Variants in ZSWIM6 observed in about 807,000 individuals in gnomAD.
The protein encoded by ZSWIM6 is zinc finger SWIM domain-containing protein 6.
A neutral mutation model predicts 113.2 loss-of-function variants in ZSWIM6; 9 were observed. The ratio of observed to expected loss-of-function variants is 0.08; its 90% confidence interval spans 0.05 to 0.14. The LOEUF is 0.14. Among genes scored for constraint, ZSWIM6 ranks in the 10% least tolerant of loss-of-function variants. The pLI is 1.00. For synonymous variants in ZSWIM6, 611 were observed against 606.5 expected (o/e 1.01, Z -0.11); for missense variants, 1,162 against 1,552.2 (o/e 0.75, Z 4.22).
rs1428584537 is a variant in ZSWIM6, at chr5:61,543,215, A to G, written c.2786-240A>G. ...AGCACAGTACAAATACCAGCTACCAAGAGGATTGGTTCTTTATTATAGCAA... is the reference window on the plus strand; with the variant it reads ...AGCACAGTACAAATACCAGCTACCAGGAGGATTGGTTCTTTATTATAGCAA... On this transcript the variant is annotated intron_variant, in intron 13 of 13. Transcript: ENST00000252744. The surrounding 1 kb of genome is among the most constrained non-coding windows in gnomAD (Gnocchi z 4.3). Among the ~76,000 whole-genome samples, 2 of 138,086 alleles carry G rather than the reference A, an allele frequency of 1.4e-5. No homozygotes were observed. Among genetic ancestry groups the G allele is most frequent in the African/African-American group, 5.2e-5 (2 of 38,456 alleles). 90.6% of individuals were successfully genotyped at this position (138,086 alleles called of 152,430 possible). A position where few individuals can be genotyped will look rare whatever the true frequency, so the allele number is the denominator to read the frequency against.
chr5:61,381,180 G>A (rs1474709453), intron 1 of ZSWIM6, among the ~76,000 whole-genome samples: 1 of 152,232 alleles, frequency 6.6e-6, no homozygotes, highest in African/African-American at 2.4e-5. Flanking sequence ...TTGAATCCGG[G>A]AGGTAGAGGC....
intron 1 of ZSWIM6, among the ~76,000 whole-genome samples, chr5:61,454,747 A>G (rs1315300061): frequency 6.6e-6 from 1 of 151,666 alleles, no homozygotes; most frequent in Non-Finnish European, 1.5e-5. Context: ...ACACCTGGCT[A>G]ATTTTTTTGT....
intron 1 of ZSWIM6, among the ~76,000 whole-genome samples, chr5:61,463,182 T>C (rs1747353040): frequency 6.6e-6 from 1 of 152,248 alleles, no homozygotes; most frequent in Non-Finnish European, 1.5e-5. Flanking sequence ...AAAGATGATC[T>C]AGCTTTAAGT....
chr5:61,362,803 A>T (rs1258395800), intron 1 of ZSWIM6, among the ~76,000 whole-genome samples: 3 of 152,110 alleles, frequency 2.0e-5, no homozygotes, highest in African/African-American at 7.2e-5. Flanking sequence ...ATATCTGTTT[A>T]GGTCTGGCAG....
intron 5 of ZSWIM6, among the ~76,000 whole-genome samples, chr5:61,522,612 A>G (rs777916277): frequency 6.6e-6 from 1 of 152,232 alleles, no homozygotes; most frequent in Non-Finnish European, 1.5e-5. Context: ...TGCCTTGTCT[A>G]GAGATATTTG....
chr5:61,379,010 T>G (rs1745425995), intron 1 of ZSWIM6, among the ~76,000 whole-genome samples: 1 of 151,740 alleles, frequency 6.6e-6, no homozygotes, highest in Admixed American at 6.6e-5. Flanking sequence ...CGAGACCCTG[T>G]CTCTACAAGA....
intron 1 of ZSWIM6, chr5:61,391,380 G>A (rs1179183550): frequency 1.2e-5 from 10 of 844,650 alleles, no homozygotes; most frequent in Non-Finnish European, 2.1e-5. Flanking sequence ...TCTGGGTGTA[G>A]GCAATGATGC....
intron 1 of ZSWIM6, among the ~76,000 whole-genome samples, chr5:61,334,777 T>G (rs73105381): frequency 0.031 from 4,692 of 152,302 alleles, 229 homozygotes; most frequent in African/African-American, 0.11. Flanking sequence ...ATACCTTTTT[T>G]TTTGTTTGTT....
At chr5:61,484,312 T>C (rs1747957649) in intron 2 of ZSWIM6, among the ~76,000 whole-genome samples, 1 of 152,092 alleles carries the variant, frequency 6.6e-6, no homozygotes, top group Non-Finnish European at 1.5e-5. Flanking sequence ...CTTAAAAAAA[T>C]GACAAAAATT....
chr5:61,467,722 A>G (rs1397539277), intron 1 of ZSWIM6, among the ~76,000 whole-genome samples: 1 of 152,214 alleles, frequency 6.6e-6, no homozygotes, highest in Non-Finnish European at 1.5e-5. Context: ...TTACAAAATC[A>G]ACTATTTGTG....
chr5:61,400,186 G>A (rs1264436349), intron 1 of ZSWIM6, among the ~76,000 whole-genome samples: 1 of 152,126 alleles, frequency 6.6e-6, no homozygotes, highest in East Asian at 1.9e-4. Flanking sequence ...CATAGTGTAT[G>A]CATTCCTTGC....
At chr5:61,462,524 A>G (rs1341935930) in intron 1 of ZSWIM6, among the ~76,000 whole-genome samples, 2 of 152,226 alleles carry the variant, frequency 1.3e-5, no homozygotes, top group East Asian at 1.9e-4. Context: ...AAGTATGGAT[A>G]TATTAGCTAT....
chr5:61,511,468 C>T (rs1188850029), intron 4 of ZSWIM6, among the ~76,000 whole-genome samples: 3 of 152,078 alleles, frequency 2.0e-5, no homozygotes, highest in African/African-American at 7.2e-5. Flanking sequence ...GTGTCCTCCC[C>T]AAATTTTTTA....
intron 1 of ZSWIM6, among the ~76,000 whole-genome samples, chr5:61,464,672 C>T (rs1208253673): frequency 6.6e-6 from 1 of 152,120 alleles, no homozygotes; most frequent in Non-Finnish European, 1.5e-5. Flanking sequence ...CATTTCTCCC[C>T]TCCCAGGTCT....
At chr5:61,374,132 C>G (rs1275019997) in intron 1 of ZSWIM6, among the ~76,000 whole-genome samples, 1 of 151,982 alleles carries the variant, frequency 6.6e-6, no homozygotes, top group African/African-American at 2.4e-5. Context: ...TTTGGAATGT[C>G]CTTTGAATGG....
At chr5:61,533,008 A>G (rs1306534111) in intron 9 of ZSWIM6, among the ~76,000 whole-genome samples, 2 of 152,320 alleles carry the variant, frequency 1.3e-5, no homozygotes, top group South Asian at 2.1e-4. Context: ...TTCAAAGTTG[A>G]TAGTGTGTGG....
intron 1 of ZSWIM6, among the ~76,000 whole-genome samples, chr5:61,408,028 A>G (rs990223814): frequency 2.0e-5 from 3 of 152,170 alleles, no homozygotes; most frequent in Non-Finnish European, 4.4e-5. Flanking sequence ...ACAGTCATAC[A>G]AGATTTTCAC....
chr5:61,505,553 G>A (rs1748578936), intron 4 of ZSWIM6, among the ~76,000 whole-genome samples: 1 of 151,954 alleles, frequency 6.6e-6, no homozygotes, highest in Non-Finnish European at 1.5e-5. Context: ...TTATAGGGAG[G>A]AAAATTATCC....
intron 1 of ZSWIM6, chr5:61,390,768 G>C (rs904372988): frequency 1.3e-6 from 1 of 788,514 alleles, no homozygotes; most frequent in Non-Finnish European, 2.3e-6. Flanking sequence ...AAACTTGGAG[G>C]TGGTGTCAAT....
Sources: allele counts gnomAD v4.1 joint callset (sites outside exome capture counted in the v4.1 genomes callset), GRCh38; gene constraint gnomAD v4.1.1; non-coding constraint Gnocchi (gnomAD v3.1); transcripts MANE v1.5; gene names NCBI Gene and HGNC (gene_info 2026-07-23, HGNC 2026-07-21).